TGFBI: variants seen among roughly 807,000 people sequenced by gnomAD.
TGFBI encodes the protein transforming growth factor-beta-induced protein ig-h3.
Under a neutral mutation model 73.7 loss-of-function variants are expected in TGFBI, and 50 were observed. The ratio of observed to expected loss-of-function variants is 0.68; its 90% CI spans 0.54 to 0.86. TGFBI has a LOEUF of 0.86. TGFBI is among the 40% of genes least tolerant of loss of function. The pLI, the probability that TGFBI is intolerant of heterozygous loss-of-function variation, is 0.00. For synonymous variants in TGFBI, 362 were observed against 360.5 expected, an observed-to-expected ratio of 1.00 and a Z score of -0.05; for missense variants, 839 against 877.0, an observed-to-expected ratio of 0.96 and a Z score of 0.55.
intron 7 of TGFBI, among the ~76,000 whole-genome samples, chr5:136,050,089 T>C (rs1137550): frequency 0.33 from 50,764 of 152,014 alleles, 8,965 homozygotes; most frequent in African/African-American, 0.46. Context: ...TATCAGCACT[T>C]TGGGAGGACA....
At chr5:136,049,717 C>A in intron 7 of TGFBI, 137 bp downstream of exon 7, 2 of 1,029,420 alleles carry the variant, frequency 1.9e-6, no homozygotes, top group South Asian at 1.7e-5. Context: ...GGGCTGGGGT[C>A]ATCCTGTCCT....
At chr5:136,059,332 T>G in intron 13 of TGFBI, 118 bp downstream of exon 13, 8 of 1,393,468 alleles carry the variant, frequency 5.7e-6, no homozygotes, top group Non-Finnish European at 7.7e-6. Context: ...CCCGAATCTC[T>G]GAGTGTAATT....
Position 136,063,664 on chromosome 5 carries a change from T to G in TGFBI, c.*438T>G, listed in dbSNP as rs1330333344. On this transcript the variant is annotated 3_prime_UTR_variant, in exon 17 of 17. Coordinates refer to ENST00000442011, the MANE Select transcript of TGFBI (RefSeq NM_000358.3). The stretch of plus-strand genomic sequence containing the variant: ...AATGGCATCATTATAAGCTATGAGT[T>G]GAAATGTTCTGTCAAATGTGTCTCA... 1.1e-5 allele frequency: 2 copies of G among 174,646 alleles called. No homozygotes were observed. The highest frequency in any genetic ancestry group is 2.4e-5 in the Non-Finnish European group (2 of 82,130). The allele number at this position is 174,646 out of a possible 1,614,324, so 10.8% of individuals were successfully genotyped here.
At chr5:136,043,812 T>C (rs113554851) in intron 2 of TGFBI, among the ~76,000 whole-genome samples, 34 of 152,344 alleles carry the variant, frequency 2.2e-4, no homozygotes, top group African/African-American at 7.5e-4. Context: ...AGTCCTCTGT[T>C]CTCCCAGTTG....
At chr5:136,047,174 A>G in intron 5 of TGFBI, 100 bp from the exon 6 acceptor site, 4 of 1,555,140 alleles carry the variant, frequency 2.6e-6, no homozygotes, top group Admixed American at 1.8e-5. Context: ...TGGAACCCAC[A>G]TTTTGCTACT....
At chr5:136,032,552 T>C (rs149091860) in intron 1 of TGFBI, among the ~76,000 whole-genome samples, 1 of 152,350 alleles carries the variant, frequency 6.6e-6, no homozygotes, top group East Asian at 1.9e-4. Context: ...GTGGATGGCA[T>C]TCTTAAAGTA....
At position 136,054,870 on chromosome 5, in the gene TGFBI, T is replaced by C. The variant is rs770064527; in HGVS notation, c.1410+9T>C. ...TTTTTGTTTATCGTAATGTAAGTTCTGGGTCCTAAATCATGCTCCTGGGAA... is the reference window on the plus strand; with the variant it reads ...TTTTTGTTTATCGTAATGTAAGTTCCGGGTCCTAAATCATGCTCCTGGGAA... On this transcript the variant is annotated intron_variant, in intron 10 of 16. Transcript: ENST00000442011. The C allele has an allele frequency of 3.7e-6, 6 of 1,613,254 alleles. No homozygotes were observed. The highest frequency in any genetic ancestry group is 8.5e-7 in the Non-Finnish European group (1 of 1,179,392).
intron 2 of TGFBI, among the ~76,000 whole-genome samples, chr5:136,035,485 C>A (rs142664580): frequency 1.3e-5 from 2 of 151,780 alleles, no homozygotes; most frequent in African/African-American, 2.4e-5. Context: ...TATTAGCGGG[C>A]GTGGTGGCGG....
chr5:136,052,188 C>T (rs574205625), intron 7 of TGFBI, among the ~76,000 whole-genome samples: 1 of 152,358 alleles, frequency 6.6e-6, no homozygotes, highest in African/African-American at 2.4e-5. Flanking sequence ...CCCTTTGGGC[C>T]TCAGCCCTGC....
intron 2 of TGFBI, among the ~76,000 whole-genome samples, chr5:136,035,624 CAAAAAAAAAA>C (rs1191524920): frequency 2.8e-5 from 2 of 71,832 alleles, no homozygotes; most frequent in African/African-American, 4.3e-5. Context: ...GACACCGTCT[CAAAAAAAAAA>C]AAAAAAAAAG....
intron 10 of TGFBI, chr5:136,055,272 C>G: frequency 4.7e-6 from 1 of 214,808 alleles, no homozygotes. Context: ...CCAACAGTTA[C>G]CCTGGAAATC....
In TGFBI at chr5:136,029,044, T is replaced by C. The variant is rs1751056293; in HGVS notation, c.-12T>C. Reference sequence around the variant, plus strand: ...CGGTCGCTAGCTCGCTCGGTGCGCGTCGTCCCGCTCCATGGCGCTCTTCGT... The same window carrying C: ...CGGTCGCTAGCTCGCTCGGTGCGCGCCGTCCCGCTCCATGGCGCTCTTCGT... On this transcript the variant is annotated 5_prime_UTR_variant, in exon 1 of 17. Transcript: ENST00000442011. 6.6e-7 allele frequency: 1 copy of C among 1,522,564 alleles called. No homozygotes were observed. Among genetic ancestry groups the C allele is most frequent in the Non-Finnish European group, 8.8e-7 (1 of 1,142,076 alleles). 94.3% of individuals were successfully genotyped at this position (1,522,564 alleles called of 1,614,324 possible).
In TGFBI at chr5:136,033,016, T is replaced by C. The variant is rs189329354; in HGVS notation, c.135-747T>C. Among the ~76,000 whole-genome samples, 101 of 152,256 alleles carry C rather than the reference T, an allele frequency of 6.6e-4. 1 individual carries two copies. The South Asian group carries it at 8.9e-3, about 13-fold the overall frequency. On this transcript the variant is annotated intron_variant, in intron 1 of 16. Coordinates refer to ENST00000442011, the MANE Select transcript of TGFBI (RefSeq NM_000358.3). ...TTTCAACAAGTTCATTTCGTGCTCC[T>C]TCTACACCCTGCCTGGATGCTAGGC...
At chr5:136,062,563 A>AT in intron 15 of TGFBI, 100 bp from the exon 16 acceptor site, 2 of 1,283,310 alleles carry the variant, frequency 1.6e-6, no homozygotes, top group Non-Finnish European at 2.2e-6. Context: ...TCGCCCCAGC[A>AT]TTTTTTCTGA....
chr5:136,063,399 A>T lies in TGFBI; in HGVS notation c.*173A>T, dbSNP rs551804653. 3.2e-6 allele frequency: 2 copies of T among 628,838 alleles called. No homozygotes were observed. The highest frequency in any genetic ancestry group is 5.6e-6 in the Non-Finnish European group (2 of 357,130). The allele number at this position is 628,838 out of a possible 1,614,324, so 39.0% of individuals were successfully genotyped here. ...TGTGGGGGAGGAGGGAGAGAGATGTACTTTTTAAATCATGTTCCCCCTAAA... is the reference window on the plus strand; with the variant it reads ...TGTGGGGGAGGAGGGAGAGAGATGTTCTTTTTAAATCATGTTCCCCCTAAA... On this transcript the variant is annotated 3_prime_UTR_variant, in exon 17 of 17. Transcript: ENST00000442011.
chr5:136,029,301 C>A, intron 1 of TGFBI, 112 bp downstream of exon 1: 1 of 1,256,326 alleles, frequency 8.0e-7, no homozygotes, highest in Non-Finnish European at 1.0e-6. Context: ...AAAGCCCGAA[C>A]TAAAAACCTT....
intron 2 of TGFBI, among the ~76,000 whole-genome samples, chr5:136,035,952 G>A (rs551568167): frequency 6.6e-6 from 1 of 152,366 alleles, no homozygotes; most frequent in East Asian, 1.9e-4. Context: ...CATTTGCCCA[G>A]CTAGTTAACA....
At chr5:136,052,073 G>A (rs868141652) in intron 7 of TGFBI, among the ~76,000 whole-genome samples, 2 of 152,230 alleles carry the variant, frequency 1.3e-5, no homozygotes, top group South Asian at 2.1e-4. Flanking sequence ...CTGGGGTTGG[G>A]GGGGGCTCCT....
chr5:136,035,081 G>T (rs139461336), intron 2 of TGFBI, among the ~76,000 whole-genome samples: 3 of 152,338 alleles, frequency 2.0e-5, no homozygotes, highest in Non-Finnish European at 4.4e-5. Context: ...ATTGAGGGAA[G>T]TTGGGATTCA....
Sources: allele counts gnomAD v4.1 joint callset (sites outside exome capture counted in the v4.1 genomes callset), GRCh38; gene constraint gnomAD v4.1.1; transcripts MANE v1.5; gene names NCBI Gene and HGNC (gene_info 2026-07-23, HGNC 2026-07-21).